The following LGALS3 variants were observed in gnomAD, a reference collection of about 807,000 sequenced individuals.
LGALS3 encodes the protein galectin 3, also known as galectin-3.
LGALS3 carries 18 observed loss-of-function variants against 20.7 expected under a neutral mutation model. The ratio of observed to expected loss-of-function variants is 0.87; its 90% CI spans 0.60 to 1.29. LGALS3 has a LOEUF of 1.29. Among genes scored for constraint, LGALS3 ranks in the 50% most tolerant of loss-of-function variants. The pLI, the probability that LGALS3 is intolerant of heterozygous loss-of-function variation, is 0.00. For missense variants in LGALS3, 315 were observed against 314.7 expected (o/e 1.00, Z -0.01); for synonymous variants, 112 against 119.6 (o/e 0.94, Z 0.42).
intron 2 of LGALS3, 76 bp from the exon 3 acceptor site, chr14:55,137,969 C>T (rs939180899): frequency 6.9e-7 from 1 of 1,455,060 alleles, no homozygotes. Flanking sequence ...TCTTAGATCA[C>T]ATATTCCTAT....
rs1395263113 is a variant in LGALS3, at chr14:55,129,455, G to A, written c.-5+155G>A. On this transcript the variant is annotated intron_variant, in intron 1 of 5. Transcript: ENST00000254301. The surrounding 1 kb of genome is among the most constrained non-coding windows in gnomAD (Gnocchi z 5.3). ...CCACAGCCTGTGCTCTGCCCTCCAG[G>A]AGCGGGGCGGCGGGCAGCGATCTGG... Among the ~76,000 whole-genome samples, 1 of 152,118 alleles carries A rather than the reference G, an allele frequency of 6.6e-6. No individual in the cohort carries two copies. The highest frequency in any genetic ancestry group is 2.4e-5 in the African/African-American group (1 of 41,448).
chr14:55,133,292 ATC>A (rs1353902086), intron 1 of LGALS3, among the ~76,000 whole-genome samples: 2 of 152,154 alleles, frequency 1.3e-5, no homozygotes, highest in Non-Finnish European at 1.5e-5. Flanking sequence ...CCACCATGTT[ATC>A]TCTCTGAGCC....
intron 5 of LGALS3, chr14:55,143,344 C>A: frequency 3.5e-6 from 1 of 285,584 alleles, no homozygotes; most frequent in Admixed American, 4.7e-5. Context: ...AGTGTAAACT[C>A]TTCAACAACA....
chr14:55,142,588 G>C lies in LGALS3; in HGVS notation c.436G>C (p.Ala146Pro). 6.2e-7 allele frequency: 1 copy of C among 1,612,076 alleles called. No homozygotes were observed. The highest frequency in any genetic ancestry group is 1.7e-4 in the Middle Eastern group (1 of 6,056). ...GTVKPNANRI[A>P]LDFQRGNDVA... Reference sequence around the variant, plus strand: ...CTGGTCTTTGGTTTAAAACAGAATTGCTTTAGATTTCCAAAGAGGGAATGA... The same window carrying C: ...CTGGTCTTTGGTTTAAAACAGAATTCCTTTAGATTTCCAAAGAGGGAATGA... Residue 146 changes from alanine to proline, a missense_variant, in exon 5 of 6, where the codon GCT (alanine) becomes CCT (proline). By Grantham distance (27) the Ala-to-Pro change is conservative. Coordinates refer to ENST00000254301, the MANE Select transcript of LGALS3 (RefSeq NM_002306.4).
At chr14:55,133,241 G>A (rs557261475) in intron 1 of LGALS3, among the ~76,000 whole-genome samples, 24 of 152,176 alleles carry the variant, frequency 1.6e-4, no homozygotes, top group African/African-American at 4.8e-4. Context: ...AAAAAGACAC[G>A]AGCCCTACTC....
chr14:55,133,854 T>A (rs953518253), intron 1 of LGALS3, among the ~76,000 whole-genome samples: 4 of 152,230 alleles, frequency 2.6e-5, no homozygotes, highest in African/African-American at 9.6e-5. Flanking sequence ...CTGGTTGGAA[T>A]CAGCCTTTAA....
chr14:55,132,704 A>C (rs1403740039), intron 1 of LGALS3, among the ~76,000 whole-genome samples: 1 of 151,992 alleles, frequency 6.6e-6, no homozygotes, highest in Non-Finnish European at 1.5e-5. Flanking sequence ...AGTAGCTGGG[A>C]TTACAGGCGC....
At chr14:55,141,977 A>C (rs188111572) in intron 4 of LGALS3, among the ~76,000 whole-genome samples, 2 of 152,248 alleles carry the variant, frequency 1.3e-5, no homozygotes, top group Non-Finnish European at 2.9e-5. Context: ...AAAAAGCTAA[A>C]CTAGCAATTT....
chr14:55,137,515 T>C, intron 2 of LGALS3, 124 bp downstream of exon 2: 1 of 1,599,786 alleles, frequency 6.3e-7, no homozygotes, highest in Non-Finnish European at 8.5e-7. Flanking sequence ...TGGACTCATT[T>C]GTCCAATGAG....
intron 1 of LGALS3, among the ~76,000 whole-genome samples, chr14:55,131,182 C>T (rs1213106208): frequency 6.6e-6 from 1 of 152,192 alleles, no homozygotes; most frequent in African/African-American, 2.4e-5. Flanking sequence ...AGGAGGATGC[C>T]TCACTAAGTT....
chr14:55,142,970 T>C (rs1378377994), intron 5 of LGALS3, among the ~76,000 whole-genome samples: 1 of 152,156 alleles, frequency 6.6e-6, no homozygotes, highest in African/African-American at 2.4e-5. Flanking sequence ...TCATCACTGC[T>C]GCCACCCCTC....
At chr14:55,134,094 T>A (rs1881311590) in intron 1 of LGALS3, among the ~76,000 whole-genome samples, 1 of 152,178 alleles carries the variant, frequency 6.6e-6, no homozygotes, top group Admixed American at 6.5e-5. Flanking sequence ...TGGTAGAGAC[T>A]GGGGTTTTGC....
At chr14:55,144,945 C>T (rs1343285214) in intron 5 of LGALS3, among the ~76,000 whole-genome samples, 171 bp from the exon 6 acceptor site, 2 of 152,210 alleles carry the variant, frequency 1.3e-5, no homozygotes, top group African/African-American at 4.8e-5. Flanking sequence ...TGTTGGACAT[C>T]CTGGGCTCAG....
At chr14:55,140,203 C>G in intron 3 of LGALS3, 72 bp from the exon 4 acceptor site, 1 of 966,366 alleles carries the variant, frequency 1.0e-6, no homozygotes, top group Non-Finnish European at 1.6e-6. Flanking sequence ...AGTGATGGAA[C>G]TTTAGCAACA....
chr14:55,141,023 T>A (rs1881604987), intron 4 of LGALS3, among the ~76,000 whole-genome samples: 1 of 152,182 alleles, frequency 6.6e-6, no homozygotes, highest in African/African-American at 2.4e-5. Flanking sequence ...AGTGGAACTG[T>A]CTCTAGGTCT....
Position 55,138,164 on chromosome 14 carries a change from C to G in LGALS3, c.138C>G (p.Pro46=). 1.2e-6 allele frequency: 2 copies of G among 1,604,970 alleles called. No individual in the cohort carries two copies. The highest frequency in any genetic ancestry group is 1.7e-6 in the Non-Finnish European group (2 of 1,176,766). Residue 46 remains proline, a synonymous_variant, in exon 3 of 6, where the codon CCC becomes CCG. Transcript: ENST00000254301. ...YPGASYPGAY[P]GQAPPGAYPG... Reference sequence around the variant, plus strand: ...GGGCTTCCTATCCTGGGGCCTACCCCGGGCAGGCACCCCCAGGGGCTTATC... The same window carrying G: ...GGGCTTCCTATCCTGGGGCCTACCCGGGGCAGGCACCCCCAGGGGCTTATC...
Position 55,129,642 on chromosome 14 carries a change from C to T in LGALS3, c.-5+342C>T, listed in dbSNP as rs1881167985. 6.6e-6 allele frequency among the ~76,000 whole-genome samples: 1 copy of T among 152,198 alleles called. No individual in the cohort carries two copies. The highest frequency in any genetic ancestry group is 2.1e-4 in the South Asian group (1 of 4,828). ...ACCTCCGCCGCCTGCGCTCTGCGGCCCCAGAGTAAGCCCCATCCGGTGACG... is the reference window on the plus strand; with the variant it reads ...ACCTCCGCCGCCTGCGCTCTGCGGCTCCAGAGTAAGCCCCATCCGGTGACG... On this transcript the variant is annotated intron_variant, in intron 1 of 5. Coordinates refer to ENST00000254301, the MANE Select transcript of LGALS3 (RefSeq NM_002306.4). This position sits in a 1 kb window ranked among gnomAD's most constrained non-coding sequence, Gnocchi z 5.3.
chr14:55,137,931 T>A, intron 2 of LGALS3, 114 bp from the exon 3 acceptor site: 1 of 1,382,592 alleles, frequency 7.2e-7, no homozygotes, highest in Non-Finnish European at 9.4e-7. Context: ...ATGATATGCA[T>A]GTAATGCCTT....
At chr14:55,138,952 C>T (rs1003908409) in intron 3 of LGALS3, among the ~76,000 whole-genome samples, 1 of 152,154 alleles carries the variant, frequency 6.6e-6, no homozygotes, top group Non-Finnish European at 1.5e-5. Flanking sequence ...GCCACAGGAT[C>T]CTTCCTTTCC....
Sources: gnomAD v4.1 joint callset for allele counts (sites outside exome capture counted in the v4.1 genomes callset) on GRCh38, gnomAD v4.1.1 for gene constraint, Gnocchi (gnomAD v3.1) non-coding constraint, MANE v1.5 for transcripts, NCBI Gene and HGNC (gene_info 2026-07-23, HGNC 2026-07-21) for gene names.